The following ZNF181 variants were observed in gnomAD, a reference collection of about 807,000 sequenced individuals.
The protein encoded by ZNF181 is zinc finger protein 181.
In ZNF181, 8 loss-of-function variants were observed where a neutral mutation model predicts 11.9. That is an observed-to-expected ratio of 0.67 (90% CI 0.39 to 1.21). ZNF181 has a LOEUF of 1.21. Among genes scored for constraint, ZNF181 ranks in the 50% most tolerant of loss-of-function variants. The pLI, the probability that ZNF181 is intolerant of heterozygous loss-of-function variation, is 0.01. For synonymous variants in ZNF181, 202 were observed against 221.1 expected (o/e 0.91, Z 0.77); for missense variants, 542 against 670.9 (o/e 0.81, Z 2.12).
intron 1 of ZNF181, 131 bp from the exon 2 acceptor site, chr19:34,739,017 C>A: frequency 7.4e-7 from 1 of 1,344,768 alleles, no homozygotes; most frequent in Non-Finnish European, 1.0e-6. Flanking sequence ...TAACTGAGAT[C>A]ACATTCCCAA....
chr19:34,740,859 T>C lies in ZNF181; in HGVS notation c.478T>C (p.Phe160Leu), dbSNP rs752054076. The change falls in exon 4 of 4, where the codon TTT becomes CTT. Residue 160 changes from phenylalanine to leucine, a missense_variant. Phe to Leu is a conservative substitution (Grantham distance 22, BLOSUM62 0). Coordinates refer to ENST00000492450, the MANE Select transcript of ZNF181 (RefSeq NM_001029997.4). ...TADSVYKYNI[F>L]RSTFHSKSTL... ...AGACAGTGTTTACAAATACAATATA[T>C]TTAGAAGCACCTTTCATTCAAAGTC... The C allele has an allele frequency of 1.5e-5, 25 of 1,613,936 alleles. No homozygotes were observed. Among genetic ancestry groups the C allele is most frequent in the Non-Finnish European group, 2.1e-5 (25 of 1,180,002 alleles).
chr19:34,735,184 G>A (rs187306978), intron 1 of ZNF181, 138 bp downstream of exon 1: 1 of 861,464 alleles, frequency 1.2e-6, no homozygotes, highest in Non-Finnish European at 1.8e-6. Flanking sequence ...TAGGAAGGAC[G>A]GAGCCCACAG....
At chr19:34,739,405 C>T in intron 2 of ZNF181, 118 bp from the exon 3 acceptor site, 1 of 1,562,596 alleles carries the variant, frequency 6.4e-7, no homozygotes, top group South Asian at 1.2e-5. Flanking sequence ...TTGTGCCCTG[C>T]CTGAAGCTTA....
At chr19:34,739,444 C>T (rs2145421061) in intron 2 of ZNF181, 79 bp from the exon 3 acceptor site, 1 of 1,588,242 alleles carries the variant, frequency 6.3e-7, no homozygotes, top group Non-Finnish European at 8.6e-7. Context: ...TACCCTTCAT[C>T]CCTTCCTGTG....
chr19:34,744,740 T>C lies in ZNF181; in HGVS notation c.*2643T>C, dbSNP rs1406056814. The C allele has an allele frequency of 2.0e-5, 3 of 152,180 alleles. No individual in the cohort carries two copies. Among genetic ancestry groups the C allele is most frequent in the Non-Finnish European group, 4.4e-5 (3 of 68,042 alleles). The allele number at this position is 152,180 out of a possible 1,614,324, so 9.4% of individuals were successfully genotyped here. A position where few individuals can be genotyped will look rare whatever the true frequency, so the allele number is the denominator to read the frequency against. ...ATGGATAGACTGGCTACCACATATA[T>C]ACTTATGGGATAATGAGAGTAGCTT... On this transcript the variant is annotated 3_prime_UTR_variant, in exon 4 of 4. Transcript: ENST00000492450.
At chr19:34,735,633 T>C (rs569386365) in intron 1 of ZNF181, among the ~76,000 whole-genome samples, 13 of 152,294 alleles carry the variant, frequency 8.5e-5, no homozygotes, top group African/African-American at 3.1e-4. Flanking sequence ...GTTACATAAA[T>C]TCCTGTCATT....
chr19:34,735,169 C>A, intron 1 of ZNF181, 123 bp downstream of exon 1: 2 of 1,139,422 alleles, frequency 1.8e-6, no homozygotes, highest in South Asian at 1.5e-5. Flanking sequence ...TGGTTCCTTT[C>A]AGTATAGGAA....
chr19:34,745,045 G>A lies in ZNF181; in HGVS notation c.*2948G>A, dbSNP rs1395537197. 2 of 152,202 alleles carry A rather than the reference G, an allele frequency of 1.3e-5. No homozygotes were observed. The highest frequency in any genetic ancestry group is 2.9e-5 in the Non-Finnish European group (2 of 68,024). The allele number at this position is 152,202 out of a possible 1,614,324, so 9.4% of individuals were successfully genotyped here. On this transcript the variant is annotated 3_prime_UTR_variant, in exon 4 of 4. Transcript: ENST00000492450. ...TTTTTAAATGAAGATAGTTTTAAGA[G>A]AGCAATAAGAGACTATTACTTTGTT...
Position 34,744,533 on chromosome 19 carries a change from C to T in ZNF181, c.*2436C>T, listed in dbSNP as rs1255336550. The T allele has an allele frequency of 2.6e-5, 4 of 152,054 alleles. No homozygotes were observed. In the East Asian group the frequency reaches 7.7e-4, roughly 29 times the overall value. The allele number at this position is 152,054 out of a possible 1,614,324, so 9.4% of individuals were successfully genotyped here. ...AAATTACCCAGGTGTAGGCACACAT[C>T]TGCAGTCCTAGCTATTCAGGAGGCT... On this transcript the variant is annotated 3_prime_UTR_variant, in exon 4 of 4. Coordinates refer to ENST00000492450, the MANE Select transcript of ZNF181 (RefSeq NM_001029997.4).
rs2069022781 is a variant in ZNF181, at chr19:34,745,284, G to C, written c.*3187G>C. On this transcript the variant is annotated 3_prime_UTR_variant, in exon 4 of 4. Coordinates refer to ENST00000492450, the MANE Select transcript of ZNF181 (RefSeq NM_001029997.4). ...ACCTGGGTTTAAATCCAAGTTGCAT[G>C]AATACTGGCTTTGTGTGACCTTGGA... 1 of 152,162 alleles carries C rather than the reference G, an allele frequency of 6.6e-6. No individual in the cohort carries two copies. The highest frequency in any genetic ancestry group is 6.5e-5 in the Admixed American group (1 of 15,278). The allele number at this position is 152,162 out of a possible 1,614,324, so 9.4% of individuals were successfully genotyped here.
rs118135941 is a variant in ZNF181, at chr19:34,738,085, A to T, written c.10-1063A>T. 3.1e-3 allele frequency among the ~76,000 whole-genome samples: 471 copies of T among 152,328 alleles called. 2 individuals carry two copies. Among genetic ancestry groups the T allele is most frequent in the Non-Finnish European group, 4.4e-3 (300 of 68,024 alleles). On this transcript the variant is annotated intron_variant, in intron 1 of 3. Coordinates refer to ENST00000492450, the MANE Select transcript of ZNF181 (RefSeq NM_001029997.4). ...TCTCATATTTTAATAATTGTCTATC[A>T]GTACAAAGTTTAAGTATACACCATA...
rs948039977 is a variant in ZNF181, at chr19:34,734,275, G to C, written c.-763G>C. The C allele has an allele frequency of 6.6e-6, 1 of 152,254 alleles. No individual in the cohort carries two copies. Among genetic ancestry groups the C allele is most frequent in the Non-Finnish European group, 1.5e-5 (1 of 68,066 alleles). 9.4% of individuals were successfully genotyped at this position (152,254 alleles called of 1,614,324 possible). ...CCTCAGGCCTGACGGCGACTCCCAG[G>C]CTCCGGGACGATTCTGGGCAGTGTC... On this transcript the variant is annotated 5_prime_UTR_variant, in exon 1 of 4. Coordinates refer to ENST00000492450, the MANE Select transcript of ZNF181 (RefSeq NM_001029997.4).
chr19:34,739,813 G>A (rs187318840), intron 3 of ZNF181, among the ~76,000 whole-genome samples, 192 bp downstream of exon 3: 93 of 152,236 alleles, frequency 6.1e-4, no homozygotes, highest in African/African-American at 2.1e-3. Context: ...ATTATTATCT[G>A]TATCACTCAT....
intron 1 of ZNF181, among the ~76,000 whole-genome samples, chr19:34,737,386 A>G (rs2068903526): frequency 1.3e-5 from 2 of 152,256 alleles, no homozygotes; most frequent in South Asian, 4.1e-4. Context: ...CTCAGAGCTA[A>G]AAAATTACCA....
chr19:34,736,071 A>G, intron 1 of ZNF181: 3 of 701,262 alleles, frequency 4.3e-6, no homozygotes, highest in Non-Finnish European at 5.2e-6. Flanking sequence ...GTTGTCTGTT[A>G]TAGCTTCAGT....
In ZNF181 at chr19:34,741,461, T is replaced by C. The variant is rs138712624; in HGVS notation, c.1080T>C (p.His360=). ...GTATATGTGGAAAGGCCTTCATTCA[T>C]AGGTCATCTCTCATTCACCATCAGA... is the stretch of plus-strand genomic sequence containing the variant. ...ECRICGKAFI[H]RSSLIHHQKI... is the part of the protein sequence containing the mutation. Residue 360 remains histidine (H), a synonymous_variant, in exon 4 of 4, where the codon CAT becomes CAC. Coordinates refer to ENST00000492450, the MANE Select transcript of ZNF181 (RefSeq NM_001029997.4). 163 of 1,613,778 alleles carry C rather than the reference T, an allele frequency of 1.0e-4. No individual in the cohort carries two copies. The African/African-American group carries it at 1.7e-3, about 17-fold the overall frequency.
Position 34,734,390 on chromosome 19 carries a change from A to T in ZNF181, c.-648A>T, listed in dbSNP as rs1351034292. 1 of 152,470 alleles carries T rather than the reference A, an allele frequency of 6.6e-6. No homozygotes were observed. The highest frequency in any genetic ancestry group is 2.4e-5 in the African/African-American group (1 of 41,432). The allele number at this position is 152,470 out of a possible 1,614,324, so 9.4% of individuals were successfully genotyped here. A position where few individuals can be genotyped will look rare whatever the true frequency, so the allele number is the denominator to read the frequency against. Reference sequence around the variant, plus strand: ...GGCCCTGCTGAGGACTCCGGCCAGTATGAGTCCCGGGGGCGGCGGCGGGGC... The same window carrying T: ...GGCCCTGCTGAGGACTCCGGCCAGTTTGAGTCCCGGGGGCGGCGGCGGGGC... On this transcript the variant is annotated 5_prime_UTR_variant, in exon 1 of 4. The change abolishes an upstream ATG in the 5' untranslated region. Transcript: ENST00000492450.
intron 1 of ZNF181, among the ~76,000 whole-genome samples, chr19:34,738,409 G>C (rs752798004): frequency 1.2e-4 from 19 of 152,180 alleles, no homozygotes; most frequent in Non-Finnish European, 2.1e-4. Flanking sequence ...AGCCCTCAAG[G>C]CCTAATCATC....
chr19:34,739,938 T>C (rs1027639404), intron 3 of ZNF181, among the ~76,000 whole-genome samples: 10 of 152,228 alleles, frequency 6.6e-5, no homozygotes, highest in Non-Finnish European at 7.3e-5. Context: ...AACATACTGA[T>C]AGTTTTAGGC....
Sources: allele counts gnomAD v4.1 joint callset (sites outside exome capture counted in the v4.1 genomes callset), GRCh38; gene constraint gnomAD v4.1.1; transcripts MANE v1.5; gene names NCBI Gene and HGNC (gene_info 2026-07-23, HGNC 2026-07-21).